GRB2: variants seen among roughly 807,000 people sequenced by gnomAD.
The protein encoded by GRB2 is growth factor receptor bound protein 2.
A neutral mutation model predicts 27.4 loss-of-function variants in GRB2; 2 were observed. That is an observed-to-expected ratio of 0.07 (90% CI 0.03 to 0.23). The LOEUF (loss-of-function observed/expected upper bound fraction) is 0.23, where lower values mean the gene tolerates loss of function less well. Among genes scored for constraint, GRB2 ranks in the 10% least tolerant of loss-of-function variants. The pLI, the probability that GRB2 is intolerant of heterozygous loss-of-function variation, is 1.00. For missense variants in GRB2, 102 were observed against 282.4 expected, an observed-to-expected ratio of 0.36 and a Z score of 4.58; for synonymous variants, 94 against 99.6, an observed-to-expected ratio of 0.94 and a Z score of 0.33.
chr17:75,352,200 T>TG (rs905861495), intron 2 of GRB2, among the ~76,000 whole-genome samples: 1 of 152,110 alleles, frequency 6.6e-6, no homozygotes, highest in African/African-American at 2.4e-5. Flanking sequence ...CTGGGAGGGC[T>TG]GGGGGGCAGG....
intron 1 of GRB2, 143 bp from the exon 2 acceptor site, chr17:75,393,908 C>G (rs1017882113): frequency 4.1e-6 from 2 of 486,860 alleles, no homozygotes. Context: ...CAACAGCCCC[C>G]CCCCGCCGAC....
chr17:75,349,264 A>G (rs2078673814), intron 2 of GRB2, among the ~76,000 whole-genome samples: 1 of 152,164 alleles, frequency 6.6e-6, no homozygotes, highest in Admixed American at 6.5e-5. Flanking sequence ...GATAAATGGT[A>G]ATTACATACA....
intron 2 of GRB2, among the ~76,000 whole-genome samples, chr17:75,360,806 G>T (rs1403256933): frequency 6.6e-6 from 1 of 152,164 alleles, no homozygotes; most frequent in Non-Finnish European, 1.5e-5. Context: ...TTTTTTCTGA[G>T]ACAGGGTTCT....
At chr17:75,393,790 G>A (rs1054631495) in intron 1 of GRB2, 25 bp from the exon 2 acceptor site, 3 of 616,820 alleles carry the variant, frequency 4.9e-6, no homozygotes, top group Admixed American at 2.9e-5. Flanking sequence ...GGACGATTAA[G>A]AGCAGTGGCC....
intron 2 of GRB2, among the ~76,000 whole-genome samples, chr17:75,378,168 T>G (rs2078906374): frequency 6.6e-6 from 1 of 151,752 alleles, no homozygotes; most frequent in African/African-American, 2.4e-5. Flanking sequence ...GGGGGGAGGA[T>G]CACCTGCAGT....
rs1294485663 is a variant in GRB2 at position 75,339,273 on chromosome 17, A to G, written c.79-6476T>C. 33 of 562,856 alleles carry G rather than the reference A, an allele frequency of 5.9e-5. No homozygotes were observed. The East Asian group carries it at 1.1e-3, about 18-fold the overall frequency. 34.9% of individuals were successfully genotyped at this position (562,856 alleles called of 1,614,324 possible). A position where few individuals can be genotyped will look rare whatever the true frequency, so the allele number is the denominator to read the frequency against. On this transcript the variant is annotated intron_variant, in intron 2 of 5. Transcript: ENST00000316804. The stretch of plus-strand genomic sequence containing the variant: ...CAGTGGCACGATCTCGGCTCACTGC[A>G]AGCTCCGCCTCCTGGGTTCACGCCA...
intron 2 of GRB2, among the ~76,000 whole-genome samples, chr17:75,348,818 G>A (rs1046014898): frequency 1.3e-5 from 2 of 152,182 alleles, no homozygotes; most frequent in African/African-American, 4.8e-5. Context: ...TGGGACTACA[G>A]GTGCACGCCG....
intron 2 of GRB2, among the ~76,000 whole-genome samples, chr17:75,379,660 A>G (rs542766932): frequency 1.7e-4 from 26 of 152,066 alleles, no homozygotes; most frequent in Non-Finnish European, 3.8e-4. Flanking sequence ...TCAGCCTCCC[A>G]AAGTGCTAGG....
intron 3 of GRB2, among the ~76,000 whole-genome samples, chr17:75,327,369 A>C (rs2078505649): frequency 6.8e-6 from 1 of 146,024 alleles, no homozygotes. Context: ...ATGAGCCACT[A>C]CGCCCGGCCC....
chr17:75,346,389 G>A (rs538797241), intron 2 of GRB2, among the ~76,000 whole-genome samples: 16 of 151,762 alleles, frequency 1.1e-4, no homozygotes, highest in East Asian at 9.8e-4. Context: ...CCAGCTACTC[G>A]GGGGGCTGAG....
chr17:75,354,293 CTT>C (rs1026574134), intron 2 of GRB2, among the ~76,000 whole-genome samples: 8 of 141,234 alleles, frequency 5.7e-5, no homozygotes, highest in South Asian at 2.4e-4. Context: ...GAGTTTCACT[CTT>C]GTCTCCCAGG....
chr17:75,338,142 C>G (rs2078594132), intron 2 of GRB2, among the ~76,000 whole-genome samples: 2 of 151,994 alleles, frequency 1.3e-5, no homozygotes, highest in Non-Finnish European at 2.9e-5. Flanking sequence ...ATTGGTCAGG[C>G]TGGTCTTGAA....
chr17:75,393,818 C>T lies in GRB2; in HGVS notation c.-137-53G>A, dbSNP rs892852182. Reference sequence around the variant, plus strand: ...CAGTGGCCAGGATTGAAGGCAACCCCGCCCTGCCAATCGGCCTGCTGTCCC... The same window carrying T: ...CAGTGGCCAGGATTGAAGGCAACCCTGCCCTGCCAATCGGCCTGCTGTCCC... On this transcript the variant is annotated intron_variant, in intron 1 of 5. Coordinates refer to ENST00000316804, the MANE Select transcript of GRB2 (RefSeq NM_002086.5). The T allele has an allele frequency of 1.6e-5, 9 of 558,108 alleles. 1 individual carries two copies. The highest frequency in any genetic ancestry group is 4.5e-5 in the South Asian group (2 of 44,854). 34.6% of individuals were successfully genotyped at this position (558,108 alleles called of 1,614,324 possible).
chr17:75,349,678 C>T (rs1002909050), intron 2 of GRB2, among the ~76,000 whole-genome samples: 11 of 152,046 alleles, frequency 7.2e-5, no homozygotes, highest in African/African-American at 2.4e-4. Context: ...CACCACCACG[C>T]CTGGCTAATT....
intron 2 of GRB2, among the ~76,000 whole-genome samples, chr17:75,380,801 C>G (rs1476555183): frequency 6.6e-6 from 1 of 152,236 alleles, no homozygotes; most frequent in Non-Finnish European, 1.5e-5. Flanking sequence ...AAAACTGTGT[C>G]AAGCATCTTA....
At chr17:75,342,048 C>T (rs957278156) in intron 2 of GRB2, among the ~76,000 whole-genome samples, 2 of 152,152 alleles carry the variant, frequency 1.3e-5, no homozygotes, top group South Asian at 2.1e-4. Context: ...TCCTCCCCAC[C>T]GCTTGTCTGT....
At chr17:75,340,142 C>T (rs926847799) in intron 2 of GRB2, among the ~76,000 whole-genome samples, 53 of 152,128 alleles carry the variant, frequency 3.5e-4, no homozygotes, top group Non-Finnish European at 2.1e-4. Context: ...TTTCAACACG[C>T]GCTCCAATTC....
intron 2 of GRB2, among the ~76,000 whole-genome samples, chr17:75,353,365 A>G (rs1410283219): frequency 6.6e-6 from 1 of 152,076 alleles, no homozygotes; most frequent in East Asian, 1.9e-4. Flanking sequence ...AAATCCGTGT[A>G]TAAGCGGAAC....
chr17:75,391,457 T>C (rs1286162685), intron 2 of GRB2, among the ~76,000 whole-genome samples: 1 of 152,198 alleles, frequency 6.6e-6, no homozygotes, highest in Non-Finnish European at 1.5e-5. Flanking sequence ...AAAATGTTCA[T>C]GGTCTAGGTC....
Sources: allele counts gnomAD v4.1 joint callset (sites outside exome capture counted in the v4.1 genomes callset), GRCh38; gene constraint gnomAD v4.1.1; transcripts MANE v1.5; gene names NCBI Gene and HGNC (gene_info 2026-07-23, HGNC 2026-07-21).